The following FGF9 variants were observed in gnomAD, a reference collection of about 807,000 sequenced individuals.
FGF9 encodes fibroblast growth factor 9 (glia-activating factor).
FGF9 carries 3 observed loss-of-function variants against 19.9 expected under a neutral mutation model. The ratio of observed to expected loss-of-function variants is 0.15; its 90% CI spans 0.07 to 0.39. FGF9 has a LOEUF of 0.39. Ranked by LOEUF, FGF9 falls within the 10% of genes least tolerant of loss-of-function variation. The pLI is 1.00. For synonymous variants in FGF9, 107 were observed against 106.9 expected, an observed-to-expected ratio of 1.00 and a Z score of -0.01; for missense variants, 175 against 256.8, an observed-to-expected ratio of 0.68 and a Z score of 2.18.
chr13:21,679,665 G>A (rs1339374725), intron 1 of FGF9, among the ~76,000 whole-genome samples: 2 of 151,506 alleles, frequency 1.3e-5, no homozygotes, highest in African/African-American at 4.9e-5. Context: ...CCAGACAGGC[G>A]CGGTAGCTCA....
chr13:21,681,094 G>T lies in FGF9; in HGVS notation c.330G>T (p.Val110=), dbSNP rs756874048. The T allele has an allele frequency of 6.2e-7, 1 of 1,614,040 alleles. No individual in the cohort carries two copies. Among genetic ancestry groups the T allele is most frequent in the Non-Finnish European group, 8.5e-7 (1 of 1,179,976 alleles). ...IAVGLVSIRG[V]DSGLYLGMNE... The stretch of plus-strand genomic sequence containing the variant: ...TGGGCCTGGTCAGCATTCGAGGCGT[G>T]GACAGTGGACTCTACCTCGGGATGA... Residue 110 remains valine (V), a synonymous_variant, in exon 2 of 3, where the codon GTG becomes GTT. Coordinates refer to ENST00000382353, the MANE Select transcript of FGF9 (RefSeq NM_002010.3).
chr13:21,692,729 G>A (rs1221558807), intron 2 of FGF9, among the ~76,000 whole-genome samples: 1 of 152,172 alleles, frequency 6.6e-6, no homozygotes, highest in Non-Finnish European at 1.5e-5. Context: ...CACGAGAGAC[G>A]CACTGACACT....
At chr13:21,685,911 C>T (rs1038677208) in intron 2 of FGF9, among the ~76,000 whole-genome samples, 3 of 152,128 alleles carry the variant, frequency 2.0e-5, no homozygotes, top group South Asian at 4.1e-4. Flanking sequence ...GTTGAAATTT[C>T]GAGAGGATGT....
intron 2 of FGF9, among the ~76,000 whole-genome samples, chr13:21,687,594 C>T (rs1872191437): frequency 6.6e-6 from 1 of 152,184 alleles, no homozygotes; most frequent in Non-Finnish European, 1.5e-5. Context: ...GGTGCAGCTT[C>T]CTGTGAGCTC....
intron 2 of FGF9, among the ~76,000 whole-genome samples, chr13:21,700,015 GGTGTGTGTGTGTGT>G (rs3076108): frequency 7.8e-4 from 115 of 146,814 alleles, no homozygotes; most frequent in African/African-American, 2.8e-3. Flanking sequence ...TTTGGGATGT[GGTGTGTGTGTGTGT>G]GTGTGTGTGT....
At chr13:21,695,829 C>T (rs1457289633) in intron 2 of FGF9, among the ~76,000 whole-genome samples, 1 of 152,176 alleles carries the variant, frequency 6.6e-6, no homozygotes, top group Non-Finnish European at 1.5e-5. Context: ...AAGTCAATGT[C>T]TGTACAGTCA....
chr13:21,694,501 A>G (rs1370707358), intron 2 of FGF9, among the ~76,000 whole-genome samples: 3 of 151,864 alleles, frequency 2.0e-5, no homozygotes, highest in African/African-American at 7.3e-5. Flanking sequence ...TTAGCTTTCC[A>G]TTTCTCCTCT....
chr13:21,700,303 T>C (rs9580189), intron 2 of FGF9, among the ~76,000 whole-genome samples: 53,691 of 152,056 alleles, frequency 0.35, 11,670 homozygotes, highest in East Asian at 0.56. Context: ...TGCTTTTACG[T>C]TGGATTCAGG....
At position 21,704,270 on chromosome 13, in the gene FGF9, G is replaced by A. The variant is rs1872605341; in HGVS notation, c.*2835G>A. On this transcript the variant is annotated 3_prime_UTR_variant, in exon 3 of 3. Transcript: ENST00000382353. ...GCTGAACAACCTTCCCATCTGTCAT[G>A]TGAATGTCCCCAAGCAGTGGTGAAG... 1 of 152,206 alleles carries A rather than the reference G, an allele frequency of 6.6e-6. No homozygotes were observed. Among genetic ancestry groups the A allele is most frequent in the African/African-American group, 2.4e-5 (1 of 41,466 alleles). 9.4% of individuals were successfully genotyped at this position (152,206 alleles called of 1,614,324 possible).
chr13:21,696,202 C>T (rs193194453), intron 2 of FGF9, among the ~76,000 whole-genome samples: 14 of 152,288 alleles, frequency 9.2e-5, no homozygotes, highest in African/African-American at 3.4e-4. Context: ...ATAATTTTCA[C>T]ATTATTATCT....
intron 1 of FGF9, among the ~76,000 whole-genome samples, chr13:21,680,604 C>T (rs1020898229): frequency 2.6e-5 from 4 of 152,106 alleles, no homozygotes; most frequent in South Asian, 2.1e-4. Flanking sequence ...TTCTGTTTAG[C>T]GAATGGTCTT....
At chr13:21,673,027 C>T (rs1871806127) in intron 1 of FGF9, among the ~76,000 whole-genome samples, 1 of 152,188 alleles carries the variant, frequency 6.6e-6, no homozygotes, top group Non-Finnish European at 1.5e-5. Flanking sequence ...GCTGCAGACT[C>T]GAGGGCTGGT....
intron 2 of FGF9, among the ~76,000 whole-genome samples, chr13:21,690,100 C>T (rs914324483): frequency 6.6e-6 from 1 of 152,166 alleles, no homozygotes; most frequent in Non-Finnish European, 1.5e-5. Context: ...CTCTGGGTTC[C>T]CTGAGTTAAT....
At position 21,703,363 on chromosome 13, in the gene FGF9, C is replaced by T. The variant is rs1466022066; in HGVS notation, c.*1928C>T. 1 of 152,152 alleles carries T rather than the reference C, an allele frequency of 6.6e-6. No homozygotes were observed. The highest frequency in any genetic ancestry group is 1.9e-4 in the East Asian group (1 of 5,190). 9.4% of individuals were successfully genotyped at this position (152,152 alleles called of 1,614,324 possible). On this transcript the variant is annotated 3_prime_UTR_variant, in exon 3 of 3. Transcript: ENST00000382353. ...CCTTTCTGTGGTCCAAGTTGGAGTACATGGCAATGCCCTCCTGCTGATGTG... is the reference window on the plus strand; with the variant it reads ...CCTTTCTGTGGTCCAAGTTGGAGTATATGGCAATGCCCTCCTGCTGATGTG...
At chr13:21,692,472 G>A (rs1872314904) in intron 2 of FGF9, among the ~76,000 whole-genome samples, 2 of 152,218 alleles carry the variant, frequency 1.3e-5, no homozygotes, top group Admixed American at 6.5e-5. Context: ...ATGAAGCACG[G>A]TTAGTGGAAG....
chr13:21,679,097 A>G (rs910953854), intron 1 of FGF9, among the ~76,000 whole-genome samples: 3 of 152,242 alleles, frequency 2.0e-5, no homozygotes, highest in African/African-American at 7.2e-5. Context: ...AGGGAAGGCT[A>G]GTAATAAACT....
intron 2 of FGF9, among the ~76,000 whole-genome samples, chr13:21,693,226 G>A (rs1872331656): frequency 6.6e-6 from 1 of 152,204 alleles, no homozygotes; most frequent in African/African-American, 2.4e-5. Context: ...TCAAAAGGTG[G>A]TGTCAGCATA....
chr13:21,675,679 G>T (rs1593090496), intron 1 of FGF9, among the ~76,000 whole-genome samples: 1 of 152,214 alleles, frequency 6.6e-6, no homozygotes, highest in Non-Finnish European at 1.5e-5. Flanking sequence ...CTGTAGGTGG[G>T]GGGTGCGGTG....
At position 21,691,463 on chromosome 13, in the gene FGF9, T is replaced by C. The variant is rs1488210072; in HGVS notation, c.382-9727T>C. On this transcript the variant is annotated intron_variant, in intron 2 of 2. Transcript: ENST00000382353. The surrounding 1 kb of genome is among the most constrained non-coding windows in gnomAD (Gnocchi z 4.2). ...CTGCAGGGTTTAGAAACATGGAGGC[T>C]TCTGGATGTCTCCGGATTCTGTGGT... Among the ~76,000 whole-genome samples the C allele has an allele frequency of 6.6e-6, 1 of 152,244 alleles. No homozygotes were observed.
Sources: gnomAD v4.1 joint callset for allele counts (sites outside exome capture counted in the v4.1 genomes callset) on GRCh38, gnomAD v4.1.1 for gene constraint, Gnocchi (gnomAD v3.1) non-coding constraint, MANE v1.5 for transcripts, NCBI Gene and HGNC (gene_info 2026-07-23, HGNC 2026-07-21) for gene names.